The following WFDC2 variants were observed in gnomAD, a reference collection of about 807,000 sequenced individuals.
The protein encoded by WFDC2 is WAP four-disulfide core domain 2.
Under a neutral mutation model 12.5 loss-of-function variants are expected in WFDC2, and 8 were observed. The ratio of observed to expected loss-of-function variants is 0.64; its 90% CI spans 0.37 to 1.15. WFDC2 has a LOEUF of 1.15. WFDC2 is among the 50% of genes most tolerant of loss of function. The pLI, the probability that WFDC2 is intolerant of heterozygous loss-of-function variation, is 0.01. For missense variants in WFDC2, 166 were observed against 159.9 expected (o/e 1.04, Z -0.21); for synonymous variants, 74 against 67.2 (o/e 1.10, Z -0.49).
At chr20:45,480,603 G>A (rs1991290551) in intron 3 of WFDC2, among the ~76,000 whole-genome samples, 1 of 152,134 alleles carries the variant, frequency 6.6e-6, no homozygotes, top group South Asian at 2.1e-4. Context: ...GGCAACAAGA[G>A]CGAAACTCCA....
intron 2 of WFDC2, among the ~76,000 whole-genome samples, chr20:45,478,593 CT>C (rs1991262249): frequency 6.6e-6 from 1 of 152,102 alleles, no homozygotes; most frequent in South Asian, 2.1e-4. Flanking sequence ...CAGACTGGAG[CT>C]GTTACTATTC....
chr20:45,470,534 TA>T lies in WFDC2; in HGVS notation c.223+4del. ...CCACCTTCTGCTCTCTGCCCAATGG[TA>T]ACCCCACGGCGGCCGAGCGGGAACG... On this transcript the variant is annotated splice_donor_region_variant and intron_variant, in intron 2 of 3. Transcript: ENST00000372676. This position sits in a 1 kb window ranked among gnomAD's most constrained non-coding sequence, Gnocchi z 5.4. 1 of 1,592,130 alleles carries T rather than the reference TA, an allele frequency of 6.3e-7. No homozygotes were observed. The highest frequency in any genetic ancestry group is 1.7e-5 in the Admixed American group (1 of 57,772).
intron 2 of WFDC2, among the ~76,000 whole-genome samples, chr20:45,477,351 G>A (rs1452529950): frequency 1.3e-5 from 2 of 152,174 alleles, no homozygotes; most frequent in Non-Finnish European, 2.9e-5. Context: ...ATCTTTGGAT[G>A]GGCCTTCTGA....
Position 45,470,588 on chromosome 20 carries a change from G to T in WFDC2, c.223+56G>T. 2 of 1,504,538 alleles carry T rather than the reference G, an allele frequency of 1.3e-6. No homozygotes were observed. The highest frequency in any genetic ancestry group is 8.9e-7 in the Non-Finnish European group (1 of 1,123,268). 93.2% of individuals were successfully genotyped at this position (1,504,538 alleles called of 1,614,324 possible). A position where few individuals can be genotyped will look rare whatever the true frequency, so the allele number is the denominator to read the frequency against. On this transcript the variant is annotated intron_variant, in intron 2 of 3. Transcript: ENST00000372676. This position sits in a 1 kb window ranked among gnomAD's most constrained non-coding sequence, Gnocchi z 5.4. Reference sequence around the variant, plus strand: ...GCGGGGCCGCGCTGGGCTGGGAGGAGGTGGGAGGGCCCGGGTTCCGGGAAC... The same window carrying T: ...GCGGGGCCGCGCTGGGCTGGGAGGATGTGGGAGGGCCCGGGTTCCGGGAAC...
chr20:45,469,880 G>A lies in WFDC2; in HGVS notation c.79+20G>A. The A allele has an allele frequency of 1.3e-6, 2 of 1,590,464 alleles. No individual in the cohort carries two copies. The highest frequency in any genetic ancestry group is 1.7e-6 in the Non-Finnish European group (2 of 1,169,226). On this transcript the variant is annotated intron_variant, in intron 1 of 3. Coordinates refer to ENST00000372676, the MANE Select transcript of WFDC2 (RefSeq NM_006103.4). The stretch of plus-strand genomic sequence containing the variant: ...TCTCAGGTGAGTGGGGCGGGGAGAG[G>A]CCCGGCGCCTAGAGGGGCCGAGCCA...
intron 2 of WFDC2, among the ~76,000 whole-genome samples, chr20:45,474,010 G>A (rs1991203543): frequency 6.6e-6 from 1 of 152,162 alleles, no homozygotes; most frequent in Non-Finnish European, 1.5e-5. Context: ...GAATACTTGT[G>A]ATTTTTGTAC....
chr20:45,470,009 G>C lies in WFDC2; in HGVS notation c.79+149G>C. ...GGGACCCTTGGAGCCTAGGGTGTGG[G>C]GTCCAATGTGCTGGAGGTGGAGAGA... is the stretch of plus-strand genomic sequence containing the variant. On this transcript the variant is annotated intron_variant, in intron 1 of 3. Coordinates refer to ENST00000372676, the MANE Select transcript of WFDC2 (RefSeq NM_006103.4). This position sits in a 1 kb window ranked among gnomAD's most constrained non-coding sequence, Gnocchi z 5.4. 1 of 995,918 alleles carries C rather than the reference G, an allele frequency of 1.0e-6. No individual in the cohort carries two copies. 61.7% of individuals were successfully genotyped at this position (995,918 alleles called of 1,614,324 possible). A position where few individuals can be genotyped will look rare whatever the true frequency, so the allele number is the denominator to read the frequency against.
chr20:45,472,280 C>T (rs1256918141), intron 2 of WFDC2, among the ~76,000 whole-genome samples: 4 of 152,158 alleles, frequency 2.6e-5, no homozygotes, highest in Non-Finnish European at 5.9e-5. Context: ...TTCCCAACCC[C>T]CCGACAGGCC....
At chr20:45,478,981 AC>A (rs1470666111) in intron 2 of WFDC2, among the ~76,000 whole-genome samples, 2 of 152,238 alleles carry the variant, frequency 1.3e-5, no homozygotes, top group African/African-American at 4.8e-5. Context: ...AAAAACCTGC[AC>A]ATATTTATAG....
intron 2 of WFDC2, among the ~76,000 whole-genome samples, chr20:45,476,158 C>A (rs966911153): frequency 1.3e-5 from 2 of 152,180 alleles, no homozygotes; most frequent in Non-Finnish European, 1.5e-5. Context: ...TTAACTGGGG[C>A]ATTTAGCCTG....
chr20:45,469,951 G>A (rs1991145145), intron 1 of WFDC2, 91 bp downstream of exon 1: 1 of 1,475,338 alleles, frequency 6.8e-7, no homozygotes, highest in Non-Finnish European at 9.2e-7. Flanking sequence ...TCTGGAGGCT[G>A]GGGAAGTGGG....
At chr20:45,471,388 A>G (rs1040731215) in intron 2 of WFDC2, 7 of 333,858 alleles carry the variant, frequency 2.1e-5, no homozygotes, top group Admixed American at 1.9e-4. Flanking sequence ...TGAGGATTAG[A>G]GGCAGGGATA....
rs894274240 is a variant in WFDC2 at position 45,470,626 on chromosome 20, G to A, written c.223+94G>A. On this transcript the variant is annotated intron_variant, in intron 2 of 3. Coordinates refer to ENST00000372676, the MANE Select transcript of WFDC2 (RefSeq NM_006103.4). The surrounding 1 kb of genome is among the most constrained non-coding windows in gnomAD (Gnocchi z 5.4). ...GGGTTCCGGGAACAGGGGCGCCCCC[G>A]GACCCGGGGACCCCCGGGAAAGTCA... 1.3e-5 allele frequency: 19 copies of A among 1,438,036 alleles called. No homozygotes were observed. The highest frequency in any genetic ancestry group is 2.6e-5 in the Admixed American group (1 of 38,022). 89.1% of individuals were successfully genotyped at this position (1,438,036 alleles called of 1,614,324 possible).
intron 2 of WFDC2, among the ~76,000 whole-genome samples, chr20:45,473,714 G>T (rs940450977): frequency 6.6e-6 from 1 of 151,226 alleles, no homozygotes. Flanking sequence ...TTCTAATTCT[G>T]TGAAGAAAGT....
chr20:45,469,931 A>C (rs1264012170), intron 1 of WFDC2, 71 bp downstream of exon 1: 9 of 1,539,242 alleles, frequency 5.8e-6, no homozygotes, highest in Non-Finnish European at 7.9e-6. Context: ...AGCCAGGCGG[A>C]GGCGTAGCCT....
rs1216345387 is a variant in WFDC2, at chr20:45,470,350, T to C, written c.80-39T>C. ...GGTGGGCATCCTCTGGGGCTGGCGC[T>C]ACGCCCCACCCTCGACTGTCCCGGG... On this transcript the variant is annotated intron_variant, in intron 1 of 3. Transcript: ENST00000372676. The surrounding 1 kb of genome is among the most constrained non-coding windows in gnomAD (Gnocchi z 5.4). 1.3e-6 allele frequency: 2 copies of C among 1,546,944 alleles called. No individual in the cohort carries two copies. Among genetic ancestry groups the C allele is most frequent in the African/African-American group, 2.7e-5 (2 of 73,136 alleles).
chr20:45,473,141 C>T (rs901802634), intron 2 of WFDC2, among the ~76,000 whole-genome samples: 122 of 152,284 alleles, frequency 8.0e-4, no homozygotes, highest in African/African-American at 2.8e-3. Flanking sequence ...TGCCTGTTCA[C>T]TCTGATGATA....
chr20:45,470,319 G>A lies in WFDC2; in HGVS notation c.80-70G>A. 3 of 1,509,968 alleles carry A rather than the reference G, an allele frequency of 2.0e-6. No individual in the cohort carries two copies. The highest frequency in any genetic ancestry group is 1.8e-6 in the Non-Finnish European group (2 of 1,125,084). 93.5% of individuals were successfully genotyped at this position (1,509,968 alleles called of 1,614,324 possible). On this transcript the variant is annotated intron_variant, in intron 1 of 3. Coordinates refer to ENST00000372676, the MANE Select transcript of WFDC2 (RefSeq NM_006103.4). The surrounding 1 kb of genome is among the most constrained non-coding windows in gnomAD (Gnocchi z 5.4). ...GAATTCCTTGGGGTTAAGGTTTGGA[G>A]CAGGAGGTGGGCATCCTCTGGGGCT... is the stretch of plus-strand genomic sequence containing the variant.
At chr20:45,480,182 G>A (rs569399789) in intron 3 of WFDC2, 88 bp downstream of exon 3, 9 of 1,564,800 alleles carry the variant, frequency 5.8e-6, no homozygotes, top group Admixed American at 3.5e-5. Context: ...GTGAAGGGAG[G>A]TTAGTTGCAG....
Sources: allele counts gnomAD v4.1 joint callset (sites outside exome capture counted in the v4.1 genomes callset), GRCh38; gene constraint gnomAD v4.1.1; non-coding constraint Gnocchi (gnomAD v3.1); transcripts MANE v1.5; gene names NCBI Gene and HGNC (gene_info 2026-07-23, HGNC 2026-07-21).